The following SCN2B variants were observed in gnomAD, a reference collection of about 807,000 sequenced individuals.
SCN2B encodes the protein sodium channel regulatory subunit beta-2.
SCN2B carries 14 observed loss-of-function variants against 18.2 expected under a neutral mutation model. The ratio of observed to expected loss-of-function variants is 0.77; its 90% CI spans 0.51 to 1.21. The LOEUF (loss-of-function observed/expected upper bound fraction) is 1.21. SCN2B is among the 50% of genes most tolerant of loss of function. The pLI, the probability that SCN2B is intolerant of heterozygous loss-of-function variation, is 0.00. For missense variants in SCN2B, 262 were observed against 286.9 expected (o/e 0.91, Z 0.63); for synonymous variants, 115 against 115.3 (o/e 1.00, Z 0.02).
At chr11:118,173,826 A>G (rs761837540) in intron 1 of SCN2B, among the ~76,000 whole-genome samples, 2 of 152,132 alleles carry the variant, frequency 1.3e-5, no homozygotes, top group Non-Finnish European at 2.9e-5. Context: ...GGAAGAAGAG[A>G]CAGCTTTCTC....
rs1480844317 is a variant in SCN2B, at chr11:118,166,907, G to A, written c.628C>T (p.Pro210Ser). 1 of 1,614,004 alleles carries A rather than the reference G, an allele frequency of 6.2e-7. No individual in the cohort carries two copies. Among genetic ancestry groups the A allele is most frequent in the Admixed American group, 1.7e-5 (1 of 60,018 alleles). ...EEGKTDGEGN[P>S]DDGAK The stretch of plus-strand genomic sequence containing the variant: ...ACCCACTACTTGGCGCCATCATCCG[G>A]GTTGCCTTCACCGTCCGTCTTGCCC... The change falls in exon 4 of 4, where the codon CCG becomes TCG. Residue 210 changes from proline (P) to serine (S), a missense_variant. Coordinates refer to ENST00000278947, the MANE Select transcript of SCN2B (RefSeq NM_004588.5).
At position 118,166,875 on chromosome 11, in the gene SCN2B, G is replaced by A. The variant is rs1948387054; in HGVS notation, c.*12C>T. On this transcript the variant is annotated 3_prime_UTR_variant, in exon 4 of 4. Transcript: ENST00000278947. The stretch of plus-strand genomic sequence containing the variant: ...GAGACGGGACACGGGAGGCTGCAGG[G>A]CCGGCCACCCACTACTTGGCGCCAT... 6.2e-7 allele frequency: 1 copy of A among 1,613,572 alleles called. No individual in the cohort carries two copies. The highest frequency in any genetic ancestry group is 8.5e-7 in the Non-Finnish European group (1 of 1,179,960).
Position 118,166,470 on chromosome 11 carries a change from C to T in SCN2B, c.*417G>A, listed in dbSNP as rs570099887. ...CCAGGCCAAGGCCCTCCTGAGGGAGCGCTGTCAGCACAGGAAAGCCCTCCC... is the reference window on the plus strand; with the variant it reads ...CCAGGCCAAGGCCCTCCTGAGGGAGTGCTGTCAGCACAGGAAAGCCCTCCC... On this transcript the variant is annotated 3_prime_UTR_variant, in exon 4 of 4. Coordinates refer to ENST00000278947, the MANE Select transcript of SCN2B (RefSeq NM_004588.5). 6 of 281,680 alleles carry T rather than the reference C, an allele frequency of 2.1e-5. No homozygotes were observed. The highest frequency in any genetic ancestry group is 9.4e-5 in the East Asian group (1 of 10,656). The allele number at this position is 281,680 out of a possible 1,614,324, so 17.4% of individuals were successfully genotyped here. A position where few individuals can be genotyped will look rare whatever the true frequency, so the allele number is the denominator to read the frequency against.
chr11:118,164,298 G>A lies in SCN2B; in HGVS notation c.*2589C>T, dbSNP rs1456992968. ...AATGAAATCTGCAAGCTGCAGAAAT[G>A]TATACAACCACTCTTGGTCTCAGCT... On this transcript the variant is annotated 3_prime_UTR_variant, in exon 4 of 4. Coordinates refer to ENST00000278947, the MANE Select transcript of SCN2B (RefSeq NM_004588.5). 6.5e-6 allele frequency: 1 copy of A among 152,702 alleles called. No homozygotes were observed. Among genetic ancestry groups the A allele is most frequent in the East Asian group, 1.9e-4 (1 of 5,200 alleles). 9.5% of individuals were successfully genotyped at this position (152,702 alleles called of 1,614,324 possible). A position where few individuals can be genotyped will look rare whatever the true frequency, so the allele number is the denominator to read the frequency against.
At chr11:118,173,140 G>A (rs1948442922) in intron 1 of SCN2B, among the ~76,000 whole-genome samples, 1 of 152,064 alleles carries the variant, frequency 6.6e-6, no homozygotes, top group Non-Finnish European at 1.5e-5. Context: ...TCAGGATCAA[G>A]TCCAGGCTCC....
chr11:118,172,065 C>T (rs1249337382), intron 1 of SCN2B, among the ~76,000 whole-genome samples: 1 of 152,182 alleles, frequency 6.6e-6, no homozygotes, highest in Non-Finnish European at 1.5e-5. Flanking sequence ...TCAGACCTCC[C>T]GCCAGTCCGG....
chr11:118,167,123 G>A, intron 3 of SCN2B, 37 bp from the exon 4 acceptor site: 2 of 1,594,698 alleles, frequency 1.3e-6, no homozygotes, highest in Non-Finnish European at 1.7e-6. Flanking sequence ...ACCAGGGCTG[G>A]GAAAGGGGCC....
intron 1 of SCN2B, among the ~76,000 whole-genome samples, chr11:118,169,490 G>A (rs571202688): frequency 7.2e-5 from 11 of 152,226 alleles, no homozygotes; most frequent in East Asian, 3.9e-4. Context: ...GGAAGGCCTC[G>A]CTCTCCATAC....
chr11:118,168,898 G>A lies in SCN2B; in HGVS notation c.71-147C>T. On this transcript the variant is annotated intron_variant, in intron 1 of 3. Coordinates refer to ENST00000278947, the MANE Select transcript of SCN2B (RefSeq NM_004588.5). This position sits in a 1 kb window ranked among gnomAD's most constrained non-coding sequence, Gnocchi z 4.7. Reference sequence around the variant, plus strand: ...CCCTGACAGCTCCAGTTAATCAGGAGGTGGGAGTTACTGTTATTTGCAACA... The same window carrying A: ...CCCTGACAGCTCCAGTTAATCAGGAAGTGGGAGTTACTGTTATTTGCAACA... 8.2e-6 allele frequency: 7 copies of A among 854,070 alleles called. No homozygotes were observed. The South Asian group carries it at 9.6e-5, about 12-fold the overall frequency. The allele number at this position is 854,070 out of a possible 1,614,324, so 52.9% of individuals were successfully genotyped here. A position where few individuals can be genotyped will look rare whatever the true frequency, so the allele number is the denominator to read the frequency against.
At chr11:118,170,217 A>G (rs776124303) in intron 1 of SCN2B, among the ~76,000 whole-genome samples, 2 of 152,190 alleles carry the variant, frequency 1.3e-5, no homozygotes, top group Non-Finnish European at 2.9e-5. Flanking sequence ...GAAAAAAATC[A>G]TGGAGTTGTA....
rs1948377840 is a variant in SCN2B, at chr11:118,165,946, G to C, written c.*941C>G. 1 of 152,342 alleles carries C rather than the reference G, an allele frequency of 6.6e-6. No individual in the cohort carries two copies. Among genetic ancestry groups the C allele is most frequent in the South Asian group, 2.1e-4 (1 of 4,836 alleles). 9.4% of individuals were successfully genotyped at this position (152,342 alleles called of 1,614,324 possible). Reference sequence around the variant, plus strand: ...GTGGAAACCCCACCAAGGGCAACTGGGAGAGTTCTCACTGAAGCCCCAAAG... The same window carrying C: ...GTGGAAACCCCACCAAGGGCAACTGCGAGAGTTCTCACTGAAGCCCCAAAG... On this transcript the variant is annotated 3_prime_UTR_variant, in exon 4 of 4. Coordinates refer to ENST00000278947, the MANE Select transcript of SCN2B (RefSeq NM_004588.5).
chr11:118,173,969 C>T (rs1948447994), intron 1 of SCN2B, among the ~76,000 whole-genome samples: 1 of 151,934 alleles, frequency 6.6e-6, no homozygotes, highest in East Asian at 1.9e-4. Flanking sequence ...GCTGCCCACG[C>T]TGGAGTGCAG....
At position 118,167,000 on chromosome 11, in the gene SCN2B, C is replaced by A. The variant is rs754370611; in HGVS notation, c.535G>T (p.Val179Leu). ...FLAVVILVLM[V>L]VKCVRRKKEQ... ...TTTTTTCTCCTCACACACTTGACCA[C>A]CATCAGCACCAAGATGACCACAGCC... The change falls in exon 4 of 4, where the codon GTG (valine) becomes TTG (leucine). Residue 179 changes from valine (V) to leucine (L), a missense_variant. Physicochemically the swap from Val to Leu is conservative, Grantham distance 32. Coordinates refer to ENST00000278947, the MANE Select transcript of SCN2B (RefSeq NM_004588.5). The A allele has an allele frequency of 6.2e-7, 1 of 1,614,066 alleles. No homozygotes were observed. The highest frequency in any genetic ancestry group is 1.1e-5 in the South Asian group (1 of 91,078).
chr11:118,166,883 C>T lies in SCN2B; in HGVS notation c.*4G>A. 6.2e-7 allele frequency: 1 copy of T among 1,613,864 alleles called. No individual in the cohort carries two copies. The highest frequency in any genetic ancestry group is 2.2e-5 in the East Asian group (1 of 44,876). The stretch of plus-strand genomic sequence containing the variant: ...ACACGGGAGGCTGCAGGGCCGGCCA[C>T]CCACTACTTGGCGCCATCATCCGGG... On this transcript the variant is annotated 3_prime_UTR_variant, in exon 4 of 4. Coordinates refer to ENST00000278947, the MANE Select transcript of SCN2B (RefSeq NM_004588.5).
At chr11:118,170,907 C>G (rs1454730205) in intron 1 of SCN2B, among the ~76,000 whole-genome samples, 2 of 152,188 alleles carry the variant, frequency 1.3e-5, no homozygotes, top group Non-Finnish European at 2.9e-5. Flanking sequence ...CCCACTCCAA[C>G]CAGTCCGTAG....
At chr11:118,170,726 C>T (rs1948424736) in intron 1 of SCN2B, among the ~76,000 whole-genome samples, 1 of 152,138 alleles carries the variant, frequency 6.6e-6, no homozygotes, top group African/African-American at 2.4e-5. Flanking sequence ...CTTTGTAAAA[C>T]GCAGTTGGTG....
chr11:118,173,553 AG>A (rs1211148632), intron 1 of SCN2B, among the ~76,000 whole-genome samples: 2 of 152,216 alleles, frequency 1.3e-5, no homozygotes, highest in Non-Finnish European at 2.9e-5. Context: ...CCAACTTCAT[AG>A]GGCTGTCGAA....
intron 1 of SCN2B, among the ~76,000 whole-genome samples, chr11:118,173,420 A>G (rs548514290): frequency 5.5e-4 from 84 of 152,140 alleles, no homozygotes; most frequent in African/African-American, 1.9e-3. Context: ...CTGTTTCCCC[A>G]TTGTCCTTGT....
intron 1 of SCN2B, among the ~76,000 whole-genome samples, chr11:118,172,183 G>T (rs1391529911): frequency 6.6e-6 from 1 of 152,210 alleles, no homozygotes; most frequent in African/African-American, 2.4e-5. Context: ...CGAATGCATG[G>T]CCAAGGCCAC....
Sources: gnomAD v4.1 joint callset for allele counts (sites outside exome capture counted in the v4.1 genomes callset) on GRCh38, gnomAD v4.1.1 for gene constraint, Gnocchi (gnomAD v3.1) non-coding constraint, MANE v1.5 for transcripts, NCBI Gene and HGNC (gene_info 2026-07-23, HGNC 2026-07-21) for gene names.